KRABD5: variants seen among roughly 807,000 people sequenced by gnomAD.
KRABD5 encodes KRAB domain containing 5.
At chr16:31,732,390 T>G in the KRABD5 span, among the ~76,000 whole-genome samples, 37 of 152,368 alleles carry the variant, frequency 2.4e-4, no homozygotes, top group Non-Finnish European at 3.5e-4. Context: ...ATTTTTAGAT[T>G]CAAAAGTTCT....
At chr16:31,739,333 T>C in the KRABD5 span, among the ~76,000 whole-genome samples, 1 of 152,210 alleles carries the variant, frequency 6.6e-6, no homozygotes, top group Admixed American at 6.6e-5. Flanking sequence ...ATTTTCTTGA[T>C]TGGTAGTTGT....
At chr16:31,736,138 C>A in the KRABD5 span, among the ~76,000 whole-genome samples, 2 of 152,114 alleles carry the variant, frequency 1.3e-5, no homozygotes. Flanking sequence ...TTTTCCTGCA[C>A]CGTTTATTAA....
At chr16:31,750,845 C>T in the KRABD5 span, among the ~76,000 whole-genome samples, 15 of 152,176 alleles carry the variant, frequency 9.9e-5, no homozygotes, top group East Asian at 1.9e-4. Context: ...CTGCAACCTC[C>T]GCCTCCTGGG....
At chr16:31,748,354 C>T in the KRABD5 span, among the ~76,000 whole-genome samples, 8 of 152,190 alleles carry the variant, frequency 5.3e-5, no homozygotes, top group African/African-American at 1.9e-4. Flanking sequence ...GTCTATATCT[C>T]TGTTTGGTAC....
At chr16:31,753,677 C>A in the KRABD5 span, 3 of 1,253,140 alleles carry the variant, frequency 2.4e-6, no homozygotes, top group South Asian at 5.7e-5. Flanking sequence ...ATGGTGTTCT[C>A]AACGTGATAT....
At chr16:31,720,739 A>G in the KRABD5 span, among the ~76,000 whole-genome samples, 1 of 151,924 alleles carries the variant, frequency 6.6e-6, no homozygotes, top group African/African-American at 2.4e-5. Context: ...TTCACTAGTT[A>G]TTTTTCTCTT....
At chr16:31,724,621 G>A in the KRABD5 span, among the ~76,000 whole-genome samples, 1 of 151,768 alleles carries the variant, frequency 6.6e-6, no homozygotes, top group African/African-American at 2.4e-5. Flanking sequence ...GAACCTGGGA[G>A]GCGGAGCTTG....
the KRABD5 span, among the ~76,000 whole-genome samples, chr16:31,715,983 C>G: frequency 6.6e-6 from 1 of 152,172 alleles, no homozygotes; most frequent in Non-Finnish European, 1.5e-5. Flanking sequence ...GACCCCTGCC[C>G]CCACTGTGCT....
At chr16:31,740,520 A>C in the KRABD5 span, among the ~76,000 whole-genome samples, 1 of 152,092 alleles carries the variant, frequency 6.6e-6, no homozygotes, top group Non-Finnish European at 1.5e-5. Context: ...TTTAAAATAG[A>C]TATTTTGCTA....
the KRABD5 span, among the ~76,000 whole-genome samples, chr16:31,723,682 T>C: frequency 1.3e-5 from 2 of 152,198 alleles, no homozygotes; most frequent in Non-Finnish European, 2.9e-5. Flanking sequence ...TGTTTCTACC[T>C]CTATGTGAAA....
At chr16:31,740,210 C>G in the KRABD5 span, among the ~76,000 whole-genome samples, 1 of 152,180 alleles carries the variant, frequency 6.6e-6, no homozygotes, top group Non-Finnish European at 1.5e-5. Flanking sequence ...CACGACCGAG[C>G]TGGTCTCAGC....
chr16:31,747,726 T>A, the KRABD5 span, among the ~76,000 whole-genome samples: 2 of 152,222 alleles, frequency 1.3e-5, no homozygotes, highest in Admixed American at 1.3e-4. Context: ...TGATTTGCAT[T>A]TCTCTGATGG....
chr16:31,749,112 G>A, the KRABD5 span, among the ~76,000 whole-genome samples: 1 of 152,364 alleles, frequency 6.6e-6, no homozygotes, highest in African/African-American at 2.4e-5. Flanking sequence ...CTCGCTAGGG[G>A]CTCAGGCCCA....
chr16:31,717,540 A>G, the KRABD5 span, among the ~76,000 whole-genome samples: 1 of 152,196 alleles, frequency 6.6e-6, no homozygotes, highest in Non-Finnish European at 1.5e-5. Flanking sequence ...TGAATTTAGG[A>G]TGAACTCTTA....
At chr16:31,739,661 CA>C in the KRABD5 span, among the ~76,000 whole-genome samples, 1 of 152,282 alleles carries the variant, frequency 6.6e-6, no homozygotes, top group East Asian at 1.9e-4. Context: ...TCTGTCTTTG[CA>C]TTTTAGAATT....
chr16:31,744,358 CT>C, the KRABD5 span, among the ~76,000 whole-genome samples: 1 of 152,036 alleles, frequency 6.6e-6, no homozygotes, highest in Non-Finnish European at 1.5e-5. Context: ...TATCAAAGGC[CT>C]TTTCTGTATC....
chr16:31,722,522 A>G, the KRABD5 span: 1 of 1,347,946 alleles, frequency 7.4e-7, no homozygotes, highest in South Asian at 1.3e-5. Flanking sequence ...GGTCACTCAT[A>G]TAAATCAGTC....
the KRABD5 span, chr16:31,756,469 T>TA: frequency 1.3e-5 from 2 of 151,906 alleles, no homozygotes; most frequent in African/African-American, 4.8e-5. Flanking sequence ...GTGTTAAAAA[T>TA]AAAAACATCT....
At chr16:31,744,273 C>A in the KRABD5 span, among the ~76,000 whole-genome samples, 1 of 152,046 alleles carries the variant, frequency 6.6e-6, no homozygotes, top group Non-Finnish European at 1.5e-5. Context: ...TCATAAATAG[C>A]TCTTATTATT....
Sources: allele counts gnomAD v4.1 joint callset (sites outside exome capture counted in the v4.1 genomes callset), GRCh38; gene constraint gnomAD v4.1.1; transcripts MANE v1.5; gene names NCBI Gene and HGNC (gene_info 2026-07-23, HGNC 2026-07-21).